The following RNF6 variants were observed in gnomAD, a reference collection of about 807,000 sequenced individuals.
RNF6 encodes the protein ring finger protein 6.
RNF6 carries 21 observed loss-of-function variants against 50.1 expected under a neutral mutation model. The observed-to-expected ratio is 0.42, with a 90% CI of 0.30 to 0.60. RNF6 has a LOEUF of 0.60. Among genes scored for constraint, RNF6 ranks in the 20% least tolerant of loss-of-function variants. RNF6 has a pLI of 0.20. For synonymous variants in RNF6, 255 were observed against 291.8 expected, an observed-to-expected ratio of 0.87 and a Z score of 1.29; for missense variants, 698 against 838.2, an observed-to-expected ratio of 0.83 and a Z score of 2.07.
intron 5 of RNF6, among the ~76,000 whole-genome samples, chr13:26,169,287 T>A (rs1184556481): frequency 6.6e-6 from 1 of 151,694 alleles, no homozygotes; most frequent in Non-Finnish European, 1.5e-5. Context: ...CAGGCTTGGC[T>A]CAAAAAAAGG....
intron 5 of RNF6, among the ~76,000 whole-genome samples, chr13:26,152,705 G>T (rs1463781539): frequency 1.3e-5 from 2 of 152,168 alleles, no homozygotes; most frequent in African/African-American, 4.8e-5. Flanking sequence ...CTTCTAAGAC[G>T]TTTCTATTCT....
chr13:26,214,923 C>T lies in RNF6; in HGVS notation c.959G>A (p.Gly320Asp), dbSNP rs927082566. ...RSRSPIQRQS[G>D]TVYHNSQRES... ...CCTTTGGGAATTATGATAAACAGTG[C>T]CACTCTGTCTCTGAATTGGTGAACG... is the stretch of plus-strand genomic sequence containing the variant. The change falls in exon 5 of 5, where the codon GGC becomes GAC. Residue 320 changes from glycine (G) to aspartate (D), a missense_variant. By Grantham distance (94) the Gly-to-Asp change is moderately conservative (BLOSUM62 -1). Transcript: ENST00000381588. The T allele has an allele frequency of 1.4e-5, 23 of 1,614,216 alleles. No individual in the cohort carries two copies. Among genetic ancestry groups the T allele is most frequent in the East Asian group, 1.1e-4 (5 of 44,884 alleles).
At position 26,214,707 on chromosome 13, in the gene RNF6, C is replaced by T. The variant is rs372413765; in HGVS notation, c.1175G>A (p.Arg392Gln). 1.7e-5 allele frequency: 27 copies of T among 1,614,094 alleles called. No homozygotes were observed. Among genetic ancestry groups the T allele is most frequent in the East Asian group, 8.9e-5 (4 of 44,890 alleles). ...GTCCAGTGTGATTGTTGGATGTCGTCGTACAGCAGTTGAGGATCTGCTGGA... is the reference window on the plus strand; with the variant it reads ...GTCCAGTGTGATTGTTGGATGTCGTTGTACAGCAGTTGAGGATCTGCTGGA... ...EESSRSSTAVRRHPTITLDLQ... is the reference protein window; with the variant it reads ...EESSRSSTAVQRHPTITLDLQ... Residue 392 changes from arginine (R) to glutamine (Q), a missense_variant, in exon 5 of 5, where the codon CGA becomes CAA. Physicochemically the swap from Arg to Gln is conservative, Grantham distance 43 (BLOSUM62 1). Coordinates refer to ENST00000381588, the MANE Select transcript of RNF6 (RefSeq NM_005977.4).
rs1163881143 is a variant in RNF6 at position 26,188,623 on chromosome 13, C to CTTTTTTTTTTTTT, written n.768+26838_768+26850dup. Reference sequence around the variant, plus strand: ...GCTTTAGTTGGACAAGTCAAAAGAGCTTTTTTTTTTTTTTTTTTTTTTTTT... The same window carrying CTTTTTTTTTTTTT: ...GCTTTAGTTGGACAAGTCAAAAGAGCTTTTTTTTTTTTTTTTTTTTTTTTTTTTTTTTTTTTTT... On this transcript the variant is annotated intron_variant and non_coding_transcript_variant, in intron 5 of 5. Transcript: ENST00000468480. Among the ~76,000 whole-genome samples the CTTTTTTTTTTTTT allele has an allele frequency of 7.6e-4, 33 of 43,272 alleles. 8 individuals carry two copies. The highest frequency in any genetic ancestry group is 2.1e-3 in the African/African-American group (19 of 9,168). 28.4% of individuals were successfully genotyped at this position (43,272 alleles called of 152,430 possible).
At chr13:26,219,954 A>T (rs1348111853) in intron 2 of RNF6, among the ~76,000 whole-genome samples, 1 of 152,172 alleles carries the variant, frequency 6.6e-6, no homozygotes, top group Non-Finnish European at 1.5e-5. Context: ...CTCATTTTTG[A>T]CCATGTTGAC....
intron 5 of RNF6, among the ~76,000 whole-genome samples, chr13:26,175,347 C>T (rs1872904872): frequency 1.3e-5 from 2 of 152,186 alleles, no homozygotes; most frequent in African/African-American, 4.8e-5. Context: ...CCCCAAAGTG[C>T]TGGGATTACA....
At position 26,204,023 on chromosome 13, in the gene RNF6, C is replaced by T. The variant is rs74512319; in HGVS notation, n.768+11451G>A. On this transcript the variant is annotated intron_variant and non_coding_transcript_variant, in intron 5 of 5. Coordinates refer to the RNF6 transcript ENST00000468480. ...TTTCCTGCTCCAGCCTCCTTCCTTC[C>T]CTTTCTTCTCTGGAAGGTGTCAGAC... Among the ~76,000 whole-genome samples, 1,041 of 152,246 alleles carry T rather than the reference C, an allele frequency of 6.8e-3. 8 individuals are homozygous for T. The highest frequency in any genetic ancestry group is 0.024 in the Middle Eastern group (7 of 294).
In RNF6 at chr13:26,214,712, A is replaced by G. The variant is rs1223069393; in HGVS notation, c.1170T>C (p.Ala390=). Residue 390 remains alanine, a synonymous_variant, in exon 5 of 5, where the codon GCT becomes GCC. Coordinates refer to ENST00000381588, the MANE Select transcript of RNF6 (RefSeq NM_005977.4). ...GTGTGATTGTTGGATGTCGTCGTACAGCAGTTGAGGATCTGCTGGATTCTT... is the reference window on the plus strand; with the variant it reads ...GTGTGATTGTTGGATGTCGTCGTACGGCAGTTGAGGATCTGCTGGATTCTT... The part of the protein sequence containing the change: ...EGEESSRSST[A]VRRHPTITLD... 1.9e-6 allele frequency: 3 copies of G among 1,614,136 alleles called. No individual in the cohort carries two copies. The highest frequency in any genetic ancestry group is 2.7e-5 in the African/African-American group (2 of 74,942).
intron 5 of RNF6, chr13:26,151,026 A>G (rs1871562475): frequency 6.6e-6 from 1 of 152,222 alleles, no homozygotes; most frequent in African/African-American, 2.4e-5. Context: ...CAGGGCATGA[A>G]GACAATAGAC....
At chr13:26,150,012 ATGTGTATATATAT>A (rs1871497619) in intron 5 of RNF6, among the ~76,000 whole-genome samples, 1 of 128,402 alleles carries the variant, frequency 7.8e-6, no homozygotes, top group Non-Finnish European at 1.6e-5. Flanking sequence ...TGTATATATA[ATGTGTATATATAT>A]ATACACAGTG....
chr13:26,180,774 G>C (rs908979043), intron 5 of RNF6, among the ~76,000 whole-genome samples: 3 of 152,250 alleles, frequency 2.0e-5, no homozygotes, highest in East Asian at 1.9e-4. Flanking sequence ...GGGAGGAAAT[G>C]CTCCAAATAT....
intron 5 of RNF6, among the ~76,000 whole-genome samples, chr13:26,153,805 A>T (rs976386912): frequency 1.3e-5 from 2 of 152,170 alleles, no homozygotes; most frequent in Admixed American, 6.5e-5. Context: ...AATTGCTCCA[A>T]TAATATGTCA....
At chr13:26,155,900 T>C (rs1358345365) in intron 5 of RNF6, among the ~76,000 whole-genome samples, 4 of 152,142 alleles carry the variant, frequency 2.6e-5, no homozygotes, top group African/African-American at 9.7e-5. Flanking sequence ...AAGCCACAGG[T>C]CCTGGTTAGA....
chr13:26,219,418 G>T, intron 3 of RNF6, 39 bp downstream of exon 3: 1 of 1,457,922 alleles, frequency 6.9e-7, no homozygotes, highest in Non-Finnish European at 9.4e-7. Context: ...CCATCTAAAT[G>T]ATGAAAAAAG....
chr13:26,170,543 G>A (rs915891966), intron 5 of RNF6, among the ~76,000 whole-genome samples: 2 of 152,172 alleles, frequency 1.3e-5, no homozygotes, highest in African/African-American at 4.8e-5. Flanking sequence ...AGCAGCTGCT[G>A]CTGAAAATAA....
chr13:26,151,260 T>C (rs547824599), intron 5 of RNF6, among the ~76,000 whole-genome samples: 31 of 151,962 alleles, frequency 2.0e-4, no homozygotes, highest in Admixed American at 3.9e-4. Context: ...CCAGATGGTC[T>C]GATATCTTTT....
At chr13:26,197,422 C>T (rs1254559984) in intron 5 of RNF6, among the ~76,000 whole-genome samples, 1 of 151,946 alleles carries the variant, frequency 6.6e-6, no homozygotes, top group Non-Finnish European at 1.5e-5. Context: ...CATTAGAAAG[C>T]ATAGGGCCTC....
downstream of RNF6, among the ~76,000 whole-genome samples, chr13:26,210,475 T>G (rs1869278742): frequency 6.6e-6 from 1 of 152,234 alleles, no homozygotes; most frequent in Admixed American, 6.5e-5. Flanking sequence ...TGGATTCATC[T>G]TTATAATACA....
rs970097830 is a variant in RNF6 at position 26,157,968 on chromosome 13, T to C, written n.769-25517A>G. Among the ~76,000 whole-genome samples the C allele has an allele frequency of 1.0e-3, 143 of 143,454 alleles. 1 individual carries two copies. Among genetic ancestry groups the C allele is most frequent in the Non-Finnish European group, 1.5e-3 (94 of 63,386 alleles). The allele number at this position is 143,454 out of a possible 152,430, so 94.1% of individuals were successfully genotyped here. On this transcript the variant is annotated intron_variant and non_coding_transcript_variant, in intron 5 of 5. Transcript: ENST00000468480. ...GCTAGCTAGCTAGAAGATAGATAGA[T>C]AGATAGATAGATAGATAGATAGATA...
Sources: allele counts gnomAD v4.1 joint callset (sites outside exome capture counted in the v4.1 genomes callset), GRCh38; gene constraint gnomAD v4.1.1; transcripts MANE v1.5; gene names NCBI Gene and HGNC (gene_info 2026-07-23, HGNC 2026-07-21).